Variants in THSD7B observed in about 807,000 individuals in gnomAD.
The protein encoded by THSD7B is thrombospondin type 1 domain containing 7B, also known as thrombospondin type-1 domain-containing protein 7B.
A neutral mutation model predicts 213.6 loss-of-function variants in THSD7B; 138 were observed. The observed-to-expected ratio is 0.65, with a 90% confidence interval of 0.56 to 0.74. The LOEUF (loss-of-function observed/expected upper bound fraction) is 0.74, where lower values mean the gene tolerates loss of function less well. Ranked by LOEUF, THSD7B falls within the 30% of genes least tolerant of loss-of-function variation. The probability of loss-of-function intolerance (pLI) is 0.00; values close to 1 mark genes in which losing one functional copy is unlikely to be tolerated. For missense variants in THSD7B, 1,931 were observed against 1,991.5 expected, an observed-to-expected ratio of 0.97 and a Z score of 0.58; for synonymous variants, 742 against 687.0, an observed-to-expected ratio of 1.08 and a Z score of -1.25.
chr2:136,806,415 T>C (rs1682281813), intron 1 of THSD7B, among the ~76,000 whole-genome samples: 1 of 152,224 alleles, frequency 6.6e-6, no homozygotes, highest in Admixed American at 6.5e-5. Context: ...AGAGTAAGTA[T>C]GATAATCCAT....
chr2:136,891,316 A>G (rs1184908104), intron 2 of THSD7B, among the ~76,000 whole-genome samples: 3 of 152,190 alleles, frequency 2.0e-5, no homozygotes, highest in Non-Finnish European at 4.4e-5. Context: ...TCACATTATT[A>G]AAAGCGAGGC....
In THSD7B at chr2:137,258,559, T is replaced by C. The variant is rs557422091; in HGVS notation, c.2267-13974T>C. 2.0e-5 allele frequency among the ~76,000 whole-genome samples: 3 copies of C among 152,214 alleles called. No individual in the cohort carries two copies. In the South Asian group the frequency reaches 6.2e-4, roughly 32 times the overall value. On this transcript the variant is annotated intron_variant, in intron 10 of 27. Transcript: ENST00000409968. ...CAAATATTCCCTTCTCATTGAAGAT[T>C]TTGAAATTTAAAATTGCAAAACCTT...
intron 7 of THSD7B, among the ~76,000 whole-genome samples, chr2:137,215,521 C>T (rs1438111388): frequency 6.6e-6 from 1 of 152,060 alleles, no homozygotes; most frequent in Non-Finnish European, 1.5e-5. Flanking sequence ...CTCTGCATGC[C>T]CTCAGTCATG....
At chr2:137,192,379 G>C (rs1003320834) in intron 7 of THSD7B, among the ~76,000 whole-genome samples, 1 of 152,282 alleles carries the variant, frequency 6.6e-6, no homozygotes, top group Non-Finnish European at 1.5e-5. Context: ...GAAGAGTGAA[G>C]TGATATTCAT....
At chr2:137,184,433 G>C (rs899554462) in intron 7 of THSD7B, among the ~76,000 whole-genome samples, 2 of 152,098 alleles carry the variant, frequency 1.3e-5, no homozygotes, top group African/African-American at 4.8e-5. Flanking sequence ...TTGAAAATAA[G>C]GGAGGGTTAA....
intron 1 of THSD7B, among the ~76,000 whole-genome samples, chr2:136,779,832 A>G (rs1681706023): frequency 6.6e-6 from 1 of 152,222 alleles, no homozygotes; most frequent in South Asian, 2.1e-4. Flanking sequence ...ATGTAAACAA[A>G]CTGGTTATTG....
chr2:137,470,100 A>G (rs1033572288), intron 15 of THSD7B, among the ~76,000 whole-genome samples: 3 of 152,200 alleles, frequency 2.0e-5, no homozygotes, highest in African/African-American at 4.8e-5. Flanking sequence ...AGAAGTTGTA[A>G]TTGAGAGATG....
intron 17 of THSD7B, among the ~76,000 whole-genome samples, chr2:137,587,156 G>A (rs542101817): frequency 4.6e-5 from 7 of 152,124 alleles, no homozygotes; most frequent in South Asian, 4.1e-4. Context: ...CATTTGTCAC[G>A]TAGTTCTCGT....
intron 9 of THSD7B, 115 bp from the exon 10 acceptor site, chr2:137,242,342 C>T: frequency 4.2e-6 from 3 of 721,742 alleles, no homozygotes; most frequent in Non-Finnish European, 6.9e-6. Context: ...TCTCTTCCCT[C>T]ACCTATTAAG....
At chr2:136,951,388 T>A (rs1436142939) in intron 2 of THSD7B, among the ~76,000 whole-genome samples, 1 of 152,220 alleles carries the variant, frequency 6.6e-6, no homozygotes, top group Non-Finnish European at 1.5e-5. Flanking sequence ...AACTATAATT[T>A]GAATGTAGCA....
At chr2:136,913,607 C>T (rs1330307260) in intron 2 of THSD7B, among the ~76,000 whole-genome samples, 1 of 152,198 alleles carries the variant, frequency 6.6e-6, no homozygotes, top group Non-Finnish European at 1.5e-5. Flanking sequence ...GGACTTTGTG[C>T]CTTGTTTCCC....
intron 5 of THSD7B, among the ~76,000 whole-genome samples, chr2:137,148,425 G>A (rs904523959): frequency 9.2e-5 from 14 of 152,140 alleles, no homozygotes; most frequent in African/African-American, 3.4e-4. Flanking sequence ...ACCTGAAAAT[G>A]TGGAAGTGAC....
At chr2:137,580,877 G>A (rs565495598) in intron 17 of THSD7B, among the ~76,000 whole-genome samples, 1 of 152,120 alleles carries the variant, frequency 6.6e-6, no homozygotes, top group Non-Finnish European at 1.5e-5. Flanking sequence ...CAGAGCTAGA[G>A]GTCCCTTATC....
intron 15 of THSD7B, among the ~76,000 whole-genome samples, chr2:137,559,392 C>T (rs918574088): frequency 6.6e-6 from 1 of 152,048 alleles, no homozygotes; most frequent in African/African-American, 2.4e-5. Context: ...CATAACAGAG[C>T]CCTCAGAGAT....
At chr2:137,408,812 C>G (rs951487118) in intron 13 of THSD7B, among the ~76,000 whole-genome samples, 41 of 152,202 alleles carry the variant, frequency 2.7e-4, no homozygotes, top group African/African-American at 9.6e-4. Flanking sequence ...TTGCATTTCT[C>G]TAACCACTCT....
intron 1 of THSD7B, among the ~76,000 whole-genome samples, chr2:136,772,750 A>C (rs1489404394): frequency 6.6e-6 from 1 of 152,094 alleles, no homozygotes; most frequent in East Asian, 1.9e-4. Flanking sequence ...TTCTTGGTCA[A>C]AGAGGACAAC....
chr2:137,405,757 C>A lies in THSD7B; in HGVS notation c.2645C>A (p.Pro882His), dbSNP rs1558786387. 6.2e-7 allele frequency: 1 copy of A among 1,613,522 alleles called. No individual in the cohort carries two copies. Among genetic ancestry groups the A allele is most frequent in the Non-Finnish European group, 8.5e-7 (1 of 1,179,744 alleles). Residue 882 changes from proline (P) to histidine (H), a missense_variant, in exon 13 of 28, where the codon CCC becomes CAC. Pro to His is a moderately conservative substitution (Grantham distance 77). Transcript: ENST00000409968. ...TTCACTGCTTGGTCCAAGTTTACGC[C>A]CTGCTCCACGAACTGTGAAGCCACA... is the stretch of plus-strand genomic sequence containing the variant. ...CTFTAWSKFTPCSTNCEATKS... is the reference protein window; with the variant it reads ...CTFTAWSKFTHCSTNCEATKS...
chr2:137,668,362 C>A (rs558526061), intron 27 of THSD7B, among the ~76,000 whole-genome samples: 1 of 151,664 alleles, frequency 6.6e-6, no homozygotes, highest in Non-Finnish European at 1.5e-5. Context: ...GTTGAAAGAA[C>A]CTGTAAGCAC....
intron 2 of THSD7B, among the ~76,000 whole-genome samples, chr2:136,994,254 T>C (rs1327743638): frequency 6.6e-6 from 1 of 152,168 alleles, no homozygotes; most frequent in Non-Finnish European, 1.5e-5. Context: ...AGGCTTTGAA[T>C]TGTAGCTTGA....
Sources: gnomAD v4.1 joint callset for allele counts (sites outside exome capture counted in the v4.1 genomes callset) on GRCh38, gnomAD v4.1.1 for gene constraint, MANE v1.5 for transcripts, NCBI Gene and HGNC (gene_info 2026-07-23, HGNC 2026-07-21) for gene names.